Variants in CDH3 observed in about 807,000 individuals in gnomAD.
CDH3 encodes the protein cadherin-3.
In CDH3, 54 loss-of-function variants were observed where a neutral mutation model predicts 82.0. The ratio of observed to expected loss-of-function variants is 0.66; its 90% CI spans 0.53 to 0.83. The LOEUF (loss-of-function observed/expected upper bound fraction) is 0.83, where lower values mean the gene tolerates loss of function less well. CDH3 is among the 40% of genes least tolerant of loss of function. CDH3 has a pLI of 0.00. For missense variants in CDH3, 1,054 were observed against 1,084.6 expected, an observed-to-expected ratio of 0.97 and a Z score of 0.40; for synonymous variants, 446 against 437.9, an observed-to-expected ratio of 1.02 and a Z score of -0.23.
chr16:68,685,763 T>C (rs1451195657), intron 11 of CDH3, among the ~76,000 whole-genome samples: 3 of 152,174 alleles, frequency 2.0e-5, no homozygotes, highest in Non-Finnish European at 4.4e-5. Flanking sequence ...GCCAAGATCG[T>C]GCCACTGCAC....
At chr16:68,656,817 C>T (rs1038908669) in intron 2 of CDH3, among the ~76,000 whole-genome samples, 1 of 152,228 alleles carries the variant, frequency 6.6e-6, no homozygotes, top group African/African-American at 2.4e-5. Context: ...CCCTGCTAAT[C>T]GCCAGGAGGG....
downstream of CDH3, among the ~76,000 whole-genome samples, chr16:68,703,185 C>G (rs1961917612): frequency 6.6e-6 from 1 of 152,222 alleles, no homozygotes; most frequent in Non-Finnish European, 1.5e-5. Context: ...GCCCTGTCCC[C>G]ACAGTGCGCT....
intron 2 of CDH3, chr16:68,651,208 C>T: frequency 1.9e-6 from 1 of 517,046 alleles, no homozygotes; most frequent in Non-Finnish European, 3.9e-6. Context: ...CTGCAGGTAG[C>T]CCATCTGCAG....
chr16:68,723,812 G>A (rs2152111512), intron 2 of CDH3, among the ~76,000 whole-genome samples: 1 of 152,264 alleles, frequency 6.6e-6, no homozygotes, highest in African/African-American at 2.4e-5. Context: ...GCTCACGCCT[G>A]TAATCCCAGC....
At chr16:68,716,639 A>AG (rs56018814) in intron 1 of CDH3, among the ~76,000 whole-genome samples, 3 of 149,044 alleles carry the variant, frequency 2.0e-5, no homozygotes, top group African/African-American at 7.4e-5. Context: ...AAAAAAAAAA[A>AG]GAAAAGAAAA....
chr16:68,668,438 G>T (rs1191637257), intron 2 of CDH3, among the ~76,000 whole-genome samples: 6 of 152,186 alleles, frequency 3.9e-5, no homozygotes, highest in Non-Finnish European at 8.8e-5. Flanking sequence ...AGTGATACAA[G>T]CCAGTGGTGC....
intron 9 of CDH3, among the ~76,000 whole-genome samples, chr16:68,682,993 T>C (rs1357369884): frequency 6.6e-6 from 1 of 152,108 alleles, no homozygotes; most frequent in Non-Finnish European, 1.5e-5. Flanking sequence ...CTCACACTTA[T>C]TCCCAGCACT....
At chr16:68,648,126 CT>C (rs1387162206) in intron 2 of CDH3, among the ~76,000 whole-genome samples, 1 of 152,166 alleles carries the variant, frequency 6.6e-6, no homozygotes, top group East Asian at 1.9e-4. Context: ...GAATTTTGAA[CT>C]TCAGAAACCC....
At chr16:68,666,376 C>T (rs1319973074) in intron 2 of CDH3, among the ~76,000 whole-genome samples, 4 of 152,144 alleles carry the variant, frequency 2.6e-5, no homozygotes, top group African/African-American at 9.7e-5. Flanking sequence ...ATAGGTGCAC[C>T]CAGGGCTCTG....
In CDH3 at chr16:68,695,733, G is replaced by A. The variant is rs746536184; in HGVS notation, c.2134-44G>A. 1.6e-5 allele frequency: 25 copies of A among 1,608,550 alleles called. No individual in the cohort carries two copies. The Admixed American group carries it at 3.7e-4, about 24-fold the overall frequency. ...GAGATGTAAGTGGCAGGGGAGTGGG[G>A]GACAGGAGTCCTCAGTCACCTGCTC... is the stretch of plus-strand genomic sequence containing the variant. On this transcript the variant is annotated intron_variant, in intron 14 of 15. Transcript: ENST00000264012.
chr16:68,658,354 C>CACA lies in CDH3; in HGVS notation c.160+12604_160+12605insACA, dbSNP rs202028762. 8.1e-3 allele frequency among the ~76,000 whole-genome samples: 1,237 copies of CACA among 152,280 alleles called. 15 individuals are homozygous for CACA. Among genetic ancestry groups the CACA allele is most frequent in the African/African-American group, 0.029 (1,185 of 41,556 alleles). On this transcript the variant is annotated intron_variant, in intron 2 of 15. Transcript: ENST00000264012. ...AGGCAAGGGAAAAATGGATTCTAAG[C>CACA]TGTTTCTCATCCCAAATGATGTGGC...
chr16:68,666,786 T>A (rs1960745625), intron 2 of CDH3, among the ~76,000 whole-genome samples: 1 of 152,214 alleles, frequency 6.6e-6, no homozygotes, highest in African/African-American at 2.4e-5. Flanking sequence ...TGCAAAATAC[T>A]TTTTCCTGGG....
rs771535286 is a variant in CDH3, at chr16:68,695,245, A to G, written c.2003-10A>G. 4.3e-6 allele frequency: 7 copies of G among 1,613,964 alleles called. No homozygotes were observed. Among genetic ancestry groups the G allele is most frequent in the Non-Finnish European group, 5.9e-6 (7 of 1,180,022 alleles). On this transcript the variant is annotated splice_polypyrimidine_tract_variant and intron_variant, in intron 13 of 15. Coordinates refer to ENST00000264012, the MANE Select transcript of CDH3 (RefSeq NM_001793.6). ...ACAGAGGGAGCACTCACACTCCCCA[A>G]CCCTTGCAGTCCTCCTGCTGGTGCT...
rs1438922809 is a variant in CDH3, at chr16:68,678,244, T to C, written c.357T>C (p.Asn119=). The C allele has an allele frequency of 1.2e-6, 2 of 1,613,996 alleles. No homozygotes were observed. The highest frequency in any genetic ancestry group is 1.3e-5 in the African/African-American group (1 of 74,890). Residue 119 remains asparagine, a synonymous_variant, in exon 4 of 16, where the codon AAT becomes AAC. Transcript: ENST00000264012. Reference sequence around the variant, plus strand: ...TTGCTCCAATATCTGTCCCTGAAAATGGCAAGGGTCCCTTCCCCCAGAGAC... The same window carrying C: ...TTGCTCCAATATCTGTCCCTGAAAACGGCAAGGGTCCCTTCCCCCAGAGAC... ...WVVAPISVPE[N]GKGPFPQRLN... is the part of the protein sequence containing the mutation.
At chr16:68,680,070 C>A in intron 7 of CDH3, 96 bp downstream of exon 7, 2 of 1,220,548 alleles carry the variant, frequency 1.6e-6, no homozygotes, top group Middle Eastern at 2.5e-4. Context: ...CCACAAAGCC[C>A]AAGGCAGAAC....
chr16:68,656,258 G>T lies in CDH3; in HGVS notation c.160+10508G>T, dbSNP rs189562727. 1.4e-4 allele frequency among the ~76,000 whole-genome samples: 21 copies of T among 152,278 alleles called. No homozygotes were observed. The East Asian group carries it at 3.9e-3, about 28-fold the overall frequency. On this transcript the variant is annotated intron_variant, in intron 2 of 15. Coordinates refer to ENST00000264012, the MANE Select transcript of CDH3 (RefSeq NM_001793.6). ...CAGTTGTACCAGTATGGAGGCCAGG[G>T]TCTCTGAAGTCTTCCCTGGAACCAG...
chr16:68,648,458 T>G lies in CDH3; in HGVS notation c.160+2708T>G, dbSNP rs547265239. Reference sequence around the variant, plus strand: ...ACCCCCAAGTTCCCTGGCTTTTTTTTTTTTTTGAGATAGGGTATCGCTCTG... The same window carrying G: ...ACCCCCAAGTTCCCTGGCTTTTTTTGTTTTTTGAGATAGGGTATCGCTCTG... On this transcript the variant is annotated intron_variant, in intron 2 of 15. Coordinates refer to ENST00000264012, the MANE Select transcript of CDH3 (RefSeq NM_001793.6). Among the ~76,000 whole-genome samples, 701 of 152,004 alleles carry G rather than the reference T, an allele frequency of 4.6e-3. 3 individuals are homozygous for G. The highest frequency in any genetic ancestry group is 0.016 in the African/African-American group (659 of 41,448).
intron 2 of CDH3, among the ~76,000 whole-genome samples, chr16:68,725,632 C>T (rs1399642211): frequency 6.6e-6 from 1 of 152,058 alleles, no homozygotes; most frequent in Non-Finnish European, 1.5e-5. Context: ...CGCGCCCGGC[C>T]CTTCACCTAA....
At chr16:68,682,249 G>C (rs542814571) in intron 8 of CDH3, 53 bp from the exon 9 acceptor site, 131 of 1,578,478 alleles carry the variant, frequency 8.3e-5, no homozygotes, top group Non-Finnish European at 1.1e-4. Flanking sequence ...TCAGCCTCTG[G>C]AGTAGGACAG....
Sources: gnomAD v4.1 joint callset for allele counts (sites outside exome capture counted in the v4.1 genomes callset) on GRCh38, gnomAD v4.1.1 for gene constraint, MANE v1.5 for transcripts, NCBI Gene and HGNC (gene_info 2026-07-23, HGNC 2026-07-21) for gene names.